LGR5: variants seen among roughly 807,000 people sequenced by gnomAD.
LGR5 encodes leucine rich repeat containing G protein-coupled receptor 5.
A neutral mutation model predicts 76.7 loss-of-function variants in LGR5; 54 were observed. The ratio of observed to expected loss-of-function variants is 0.70; its 90% CI spans 0.57 to 0.88. LGR5 has a LOEUF of 0.88. Among genes scored for constraint, LGR5 ranks in the 40% least tolerant of loss-of-function variants. The pLI is 0.00. For missense variants in LGR5, 1,078 were observed against 1,073.3 expected, an observed-to-expected ratio of 1.00 and a Z score of -0.06; for synonymous variants, 406 against 421.9, an observed-to-expected ratio of 0.96 and a Z score of 0.46.
At chr12:71,518,804 CAT>C (rs1386385225) in intron 2 of LGR5, among the ~76,000 whole-genome samples, 2 of 152,052 alleles carry the variant, frequency 1.3e-5, no homozygotes, top group African/African-American at 4.8e-5. Flanking sequence ...CACATGGACA[CAT>C]AGAGAAAAAC....
chr12:71,539,432 A>G (rs1876763007), intron 4 of LGR5, among the ~76,000 whole-genome samples: 1 of 152,074 alleles, frequency 6.6e-6, no homozygotes, highest in African/African-American at 2.4e-5. Context: ...TATACAAAAG[A>G]TGTTTTGTTC....
chr12:71,448,078 CACACAA>C (rs1872090185), intron 1 of LGR5, among the ~76,000 whole-genome samples: 1 of 134,958 alleles, frequency 7.4e-6, no homozygotes, highest in African/African-American at 3.0e-5. Context: ...CCCTCACACA[CACACAA>C]ACACACACAC....
At chr12:71,553,001 G>A (rs1363216394) in intron 4 of LGR5, 72 bp from the exon 5 acceptor site, 4 of 1,404,194 alleles carry the variant, frequency 2.8e-6, no homozygotes, top group East Asian at 4.6e-5. Flanking sequence ...GCATGGGGAG[G>A]GTTTTCCTGC....
At chr12:71,442,221 A>G (rs1293383045) in intron 1 of LGR5, among the ~76,000 whole-genome samples, 6 of 152,236 alleles carry the variant, frequency 3.9e-5, no homozygotes, top group Admixed American at 6.5e-5. Flanking sequence ...CGTTACTAAA[A>G]GTTGGCATAA....
At chr12:71,444,632 C>G (rs1250616392) in intron 1 of LGR5, among the ~76,000 whole-genome samples, 1 of 152,000 alleles carries the variant, frequency 6.6e-6, no homozygotes, top group African/African-American at 2.4e-5. Flanking sequence ...AGGTAGCAAT[C>G]ATAAATGAGT....
At position 71,439,953 on chromosome 12, in the gene LGR5, C is replaced by G. The variant is rs1183515283; in HGVS notation, c.-128C>G. On this transcript the variant is annotated 5_prime_UTR_variant, in exon 1 of 18. Transcript: ENST00000266674. ...CCACGCCGTGGGGTCAGGAACGCGG[C>G]GTCTGGCGCTGCAGACGCCCGCTGA... 6 of 791,068 alleles carry G rather than the reference C, an allele frequency of 7.6e-6. No homozygotes were observed. The highest frequency in any genetic ancestry group is 1.8e-5 in the African/African-American group (1 of 54,300). 49.0% of individuals were successfully genotyped at this position (791,068 alleles called of 1,614,324 possible).
At chr12:71,497,648 A>G (rs1181171509) in intron 1 of LGR5, among the ~76,000 whole-genome samples, 10 of 152,230 alleles carry the variant, frequency 6.6e-5, no homozygotes, top group African/African-American at 2.4e-4. Flanking sequence ...TGATCGATTA[A>G]AAAGTGCTGG....
At chr12:71,541,483 G>A (rs1282265812) in intron 4 of LGR5, among the ~76,000 whole-genome samples, 1 of 152,202 alleles carries the variant, frequency 6.6e-6, no homozygotes, top group Non-Finnish European at 1.5e-5. Flanking sequence ...TTACAGAGAT[G>A]ACTACCATAT....
At chr12:71,460,563 G>A (rs1026712325) in intron 1 of LGR5, among the ~76,000 whole-genome samples, 3 of 151,858 alleles carry the variant, frequency 2.0e-5, no homozygotes, top group African/African-American at 4.8e-5. Flanking sequence ...TAATTCATCC[G>A]GTGCTCATTT....
At chr12:71,452,565 A>G (rs1424877174) in intron 1 of LGR5, among the ~76,000 whole-genome samples, 2 of 152,194 alleles carry the variant, frequency 1.3e-5, no homozygotes, top group Non-Finnish European at 2.9e-5. Flanking sequence ...CTTTCCTCTA[A>G]ATTTGGCAGA....
intron 1 of LGR5, among the ~76,000 whole-genome samples, chr12:71,501,479 T>A (rs1440700745): frequency 6.6e-6 from 1 of 152,150 alleles, no homozygotes; most frequent in South Asian, 2.1e-4. Context: ...CAGCCAAACA[T>A]TCTCTAATTC....
rs1415301713 is a variant in LGR5 at position 71,582,230 on chromosome 12, G to A, written c.1553-226G>A. 10 of 460,250 alleles carry A rather than the reference G, an allele frequency of 2.2e-5. No homozygotes were observed. The East Asian group carries it at 3.6e-4, about 17-fold the overall frequency. 28.5% of individuals were successfully genotyped at this position (460,250 alleles called of 1,614,324 possible). The stretch of plus-strand genomic sequence containing the variant: ...AATGAGAGTTTAGATGTTACACCCG[G>A]CGTCTTGGGTCACTCTCCCTCACCC... On this transcript the variant is annotated intron_variant, in intron 16 of 17. Transcript: ENST00000266674.
chr12:71,533,050 A>C (rs1238639196), intron 3 of LGR5, among the ~76,000 whole-genome samples: 1 of 152,148 alleles, frequency 6.6e-6, no homozygotes, highest in African/African-American at 2.4e-5. Flanking sequence ...ATAAATAAAT[A>C]CATAGGCTGG....
chr12:71,583,992 A>G lies in LGR5; in HGVS notation c.1982A>G (p.Glu661Gly). 6.2e-7 allele frequency: 1 copy of G among 1,614,102 alleles called. No homozygotes were observed. The highest frequency in any genetic ancestry group is 8.5e-7 in the Non-Finnish European group (1 of 1,180,026). ...SVFLLTLAAL[E>G]RGFSVKYSAK... Reference sequence around the variant, plus strand: ...TTCCTGCTTACTCTGGCAGCCCTGGAGCGTGGGTTCTCTGTGAAATATTCT... The same window carrying G: ...TTCCTGCTTACTCTGGCAGCCCTGGGGCGTGGGTTCTCTGTGAAATATTCT... The change falls in exon 18 of 18, where the codon GAG becomes GGG. Residue 661 changes from glutamate to glycine, a missense_variant. By Grantham distance (98) the Glu-to-Gly change is moderately conservative (BLOSUM62 -2). Coordinates refer to ENST00000266674, the MANE Select transcript of LGR5 (RefSeq NM_003667.4).
chr12:71,447,150 A>G (rs1872037631), intron 1 of LGR5, among the ~76,000 whole-genome samples: 1 of 152,248 alleles, frequency 6.6e-6, no homozygotes, highest in Admixed American at 6.5e-5. Flanking sequence ...CGAAGGTATC[A>G]GAATGTTATT....
At chr12:71,466,687 A>G (rs1872879505) in intron 1 of LGR5, among the ~76,000 whole-genome samples, 3 of 151,148 alleles carry the variant, frequency 2.0e-5, no homozygotes. Context: ...TTTTTTTATG[A>G]GTAGTAGGTA....
intron 1 of LGR5, among the ~76,000 whole-genome samples, chr12:71,479,971 A>C (rs765639538): frequency 3.9e-4 from 60 of 152,264 alleles, no homozygotes; most frequent in Non-Finnish European, 7.1e-4. Context: ...GGTGCCAGGG[A>C]ATTATCTATT....
At chr12:71,447,513 TAAC>T (rs1251956938) in intron 1 of LGR5, among the ~76,000 whole-genome samples, 1 of 152,172 alleles carries the variant, frequency 6.6e-6, no homozygotes, top group Non-Finnish European at 1.5e-5. Context: ...TTTACTGACT[TAAC>T]AATTTATTCA....
chr12:71,533,371 C>A (rs73144323), intron 3 of LGR5, among the ~76,000 whole-genome samples: 7,804 of 152,142 alleles, frequency 0.051, 249 homozygotes, highest in Non-Finnish European at 0.073. Flanking sequence ...AATTAAATAA[C>A]TAAATACATA....
Sources: allele counts gnomAD v4.1 joint callset (sites outside exome capture counted in the v4.1 genomes callset), GRCh38; gene constraint gnomAD v4.1.1; transcripts MANE v1.5; gene names NCBI Gene and HGNC (gene_info 2026-07-23, HGNC 2026-07-21).